AGPAT4: variants seen among roughly 807,000 people sequenced by gnomAD.
AGPAT4 encodes 1-acylglycerol-3-phosphate O-acyltransferase 4, also known as 1-acyl-sn-glycerol-3-phosphate acyltransferase delta.
AGPAT4 carries 15 observed loss-of-function variants against 48.0 expected under a neutral mutation model. That is an observed-to-expected ratio of 0.31 (90% confidence interval 0.21 to 0.48). The LOEUF (loss-of-function observed/expected upper bound fraction) is 0.48, where lower values mean the gene tolerates loss of function less well. Ranked by LOEUF, AGPAT4 falls within the 20% of genes least tolerant of loss-of-function variation. The probability of loss-of-function intolerance (pLI) is 0.99; values close to 1 mark genes in which losing one functional copy is unlikely to be tolerated. For synonymous variants in AGPAT4, 178 were observed against 198.7 expected (o/e 0.90, Z 0.88); for missense variants, 314 against 482.5 (o/e 0.65, Z 3.27).
rs946248432 is a variant in AGPAT4, at chr6:161,251,952, TATA to T, written c.-89-19653_-89-19651del. On this transcript the variant is annotated intron_variant, in intron 1 of 8. Coordinates refer to ENST00000320285, the MANE Select transcript of AGPAT4 (RefSeq NM_020133.3). The surrounding 1 kb of genome is among the most constrained non-coding windows in gnomAD (Gnocchi z 4.6). ...TTCTTAACCCATTTATGCTGGAGAG[TATA>T]ATTTTTTGAATTTTTGCATGAGTGA... 1.4e-5 allele frequency among the ~76,000 whole-genome samples: 2 copies of T among 144,654 alleles called. No homozygotes were observed. Among genetic ancestry groups the T allele is most frequent in the South Asian group, 4.3e-4 (2 of 4,610 alleles). 94.9% of individuals were successfully genotyped at this position (144,654 alleles called of 152,430 possible).
chr6:161,134,906 A>G lies in AGPAT4; in HGVS notation c.*1634T>C, dbSNP rs566549054. ...TGCCTGCAGGGCCGCCAGCGAGTTA[A>G]CTCAGGCCCTAGGCTCTGCAGTACG... On this transcript the variant is annotated 3_prime_UTR_variant, in exon 9 of 9. Coordinates refer to ENST00000320285, the MANE Select transcript of AGPAT4 (RefSeq NM_020133.3). The G allele has an allele frequency of 6.6e-6, 1 of 152,390 alleles. No homozygotes were observed. The highest frequency in any genetic ancestry group is 1.9e-4 in the East Asian group (1 of 5,174). 9.4% of individuals were successfully genotyped at this position (152,390 alleles called of 1,614,324 possible). A position where few individuals can be genotyped will look rare whatever the true frequency, so the allele number is the denominator to read the frequency against.
At chr6:161,269,272 C>T (rs1783356123) in intron 1 of AGPAT4, among the ~76,000 whole-genome samples, 1 of 152,170 alleles carries the variant, frequency 6.6e-6, no homozygotes, top group African/African-American at 2.4e-5. Flanking sequence ...AAATTCCACT[C>T]TTCCCATTTA....
rs547777784 is a variant in AGPAT4, at chr6:161,154,584, G to C, written c.349-274C>G. On this transcript the variant is annotated intron_variant, in intron 3 of 8. Transcript: ENST00000320285. This position sits in a 1 kb window ranked among gnomAD's most constrained non-coding sequence, Gnocchi z 7.8. Reference sequence around the variant, plus strand: ...CGGCAGGAGTCAAGAAGGCAGCAGCGAGCAGTCACAGGTATTCAGGGTCCT... The same window carrying C: ...CGGCAGGAGTCAAGAAGGCAGCAGCCAGCAGTCACAGGTATTCAGGGTCCT... Among the ~76,000 whole-genome samples the C allele has an allele frequency of 6.6e-6, 1 of 152,068 alleles. No homozygotes were observed. Among genetic ancestry groups the C allele is most frequent in the Non-Finnish European group, 1.5e-5 (1 of 68,008 alleles).
chr6:161,229,463 G>C lies in AGPAT4; in HGVS notation c.178+2573C>G, dbSNP rs770609413. On this transcript the variant is annotated intron_variant, in intron 2 of 8. Coordinates refer to ENST00000320285, the MANE Select transcript of AGPAT4 (RefSeq NM_020133.3). The surrounding 1 kb of genome is among the most constrained non-coding windows in gnomAD (Gnocchi z 6.0). ...TCTGGCTGATCAGTGGCCCAGCAAG[G>C]CTTCCTAAACACTCTTTTTACATGG... is the stretch of plus-strand genomic sequence containing the variant. Among the ~76,000 whole-genome samples the C allele has an allele frequency of 6.6e-6, 1 of 152,098 alleles. No homozygotes were observed. The highest frequency in any genetic ancestry group is 1.5e-5 in the Non-Finnish European group (1 of 68,024).
In AGPAT4 at chr6:161,161,281, G is replaced by A. The variant is rs879225388; in HGVS notation, c.348+4967C>T. 1 of 456,742 alleles carries A rather than the reference G, an allele frequency of 2.2e-6. No homozygotes were observed. The highest frequency in any genetic ancestry group is 1.5e-5 in the South Asian group (1 of 64,564). 28.3% of individuals were successfully genotyped at this position (456,742 alleles called of 1,614,324 possible). Reference sequence around the variant, plus strand: ...AGCATGCGCTCCCACCTCCAGGATGGTAGTCGGTATGAACCCGCGGTGCAG... The same window carrying A: ...AGCATGCGCTCCCACCTCCAGGATGATAGTCGGTATGAACCCGCGGTGCAG... On this transcript the variant is annotated intron_variant, in intron 3 of 8. Transcript: ENST00000320285. The surrounding 1 kb of genome is among the most constrained non-coding windows in gnomAD (Gnocchi z 4.6).
Position 161,148,302 on chromosome 6 carries a change from T to C in AGPAT4, c.767+885A>G, listed in dbSNP as rs1779492567. ...CAGTGATGATGACGATGCTGTCCTA[T>C]TTTCATGGGAAAGCCAGAGTCATTT... On this transcript the variant is annotated intron_variant, in intron 6 of 8. Transcript: ENST00000320285. The surrounding 1 kb of genome is among the most constrained non-coding windows in gnomAD (Gnocchi z 5.5). Among the ~76,000 whole-genome samples, 3 of 152,184 alleles carry C rather than the reference T, an allele frequency of 2.0e-5. No individual in the cohort carries two copies. In the South Asian group the frequency reaches 6.2e-4, roughly 32 times the overall value.
In AGPAT4 at chr6:161,141,240, G is replaced by A. The variant is rs908387495; in HGVS notation, c.844-1620C>T. Reference sequence around the variant, plus strand: ...TGCAGCCCATTAACAAGCCTGGTCCGAAGCGTCACTTGTCGCGTGACTCTG... The same window carrying A: ...TGCAGCCCATTAACAAGCCTGGTCCAAAGCGTCACTTGTCGCGTGACTCTG... On this transcript the variant is annotated intron_variant, in intron 7 of 8. Transcript: ENST00000320285. This position sits in a 1 kb window ranked among gnomAD's most constrained non-coding sequence, Gnocchi z 6.7. Among the ~76,000 whole-genome samples the A allele has an allele frequency of 3.9e-5, 6 of 152,026 alleles. No individual in the cohort carries two copies. Among genetic ancestry groups the A allele is most frequent in the East Asian group, 1.9e-4 (1 of 5,176 alleles).
chr6:161,151,298 C>T (rs117984472), intron 5 of AGPAT4, among the ~76,000 whole-genome samples: 71 of 152,338 alleles, frequency 4.7e-4, no homozygotes, highest in Non-Finnish European at 8.4e-4. Context: ...GAGGACATCC[C>T]ATGTGCACAG....
At chr6:161,194,443 T>C (rs1488724032) in intron 2 of AGPAT4, among the ~76,000 whole-genome samples, 1 of 136,884 alleles carries the variant, frequency 7.3e-6, no homozygotes, top group Non-Finnish European at 1.5e-5. Context: ...TGTGTGTGTG[T>C]TTGTGTGTGT....
At chr6:161,263,412 A>T (rs544428638) in intron 1 of AGPAT4, among the ~76,000 whole-genome samples, 1 of 152,244 alleles carries the variant, frequency 6.6e-6, no homozygotes, top group African/African-American at 2.4e-5. Flanking sequence ...AATTGCTTGA[A>T]TCCGGGAGGC....
In AGPAT4 at chr6:161,241,981, C is replaced by T. The variant is rs555840034; in HGVS notation, c.-89-9679G>A. Among the ~76,000 whole-genome samples, 27 of 152,306 alleles carry T rather than the reference C, an allele frequency of 1.8e-4. No individual in the cohort carries two copies. In the East Asian group the frequency reaches 5.0e-3, roughly 28 times the overall value. ...CTCCTGATCTCAAGTGATCCGCCTG[C>T]CTCAGCCTTCCAAAGTGCTGGGATT... is the stretch of plus-strand genomic sequence containing the variant. On this transcript the variant is annotated intron_variant, in intron 1 of 8. Transcript: ENST00000320285.
At position 161,153,283 on chromosome 6, in the gene AGPAT4, C is replaced by T. The variant is rs114419832; in HGVS notation, c.664+63G>A. On this transcript the variant is annotated intron_variant, in intron 5 of 8. Transcript: ENST00000320285. ...TGGCAGGAAGCAAGCTCTGCCCATCCGGAGCTGGGGCTTGTCTTCCTCGCT... is the reference window on the plus strand; with the variant it reads ...TGGCAGGAAGCAAGCTCTGCCCATCTGGAGCTGGGGCTTGTCTTCCTCGCT... 2,454 of 1,542,232 alleles carry T rather than the reference C, an allele frequency of 1.6e-3. 30 individuals carry two copies. In the African/African-American group the frequency reaches 0.027, roughly 17 times the overall value.
Position 161,204,139 on chromosome 6 carries a change from A to C in AGPAT4, c.178+27897T>G, listed in dbSNP as rs1345706738. Among the ~76,000 whole-genome samples, 1 of 148,608 alleles carries C rather than the reference A, an allele frequency of 6.7e-6. No homozygotes were observed. Among genetic ancestry groups the C allele is most frequent in the Admixed American group, 6.6e-5 (1 of 15,154 alleles). On this transcript the variant is annotated intron_variant, in intron 2 of 8. Coordinates refer to ENST00000320285, the MANE Select transcript of AGPAT4 (RefSeq NM_020133.3). The surrounding 1 kb of genome is among the most constrained non-coding windows in gnomAD (Gnocchi z 4.4). ...AACACATACTCAGGAATGTGTGCTT[A>C]AAAAAACTTAAATTTTTCTCAGTTG...
intron 2 of AGPAT4, among the ~76,000 whole-genome samples, chr6:161,205,476 G>C (rs1035119753): frequency 6.6e-6 from 1 of 152,142 alleles, no homozygotes; most frequent in Non-Finnish European, 1.5e-5. Flanking sequence ...TGAAAGAGCA[G>C]CTCTCCCCAG....
rs943781858 is a variant in AGPAT4 at position 161,221,497 on chromosome 6, G to A, written c.178+10539C>T. On this transcript the variant is annotated intron_variant, in intron 2 of 8. Transcript: ENST00000320285. The surrounding 1 kb of genome is among the most constrained non-coding windows in gnomAD (Gnocchi z 4.5). The stretch of plus-strand genomic sequence containing the variant: ...AAAGGAGAAAAAGGGAGAGGAGAGA[G>A]AAATAGATACCATATTAATGTGTCA... Among the ~76,000 whole-genome samples, 2 of 152,204 alleles carry A rather than the reference G, an allele frequency of 1.3e-5. No individual in the cohort carries two copies. Among genetic ancestry groups the A allele is most frequent in the Admixed American group, 1.3e-4 (2 of 15,282 alleles).
At position 161,165,092 on chromosome 6, in the gene AGPAT4, G is replaced by A. The variant is rs1269513178; in HGVS notation, c.348+1156C>T. Among the ~76,000 whole-genome samples the A allele has an allele frequency of 1.3e-5, 2 of 152,098 alleles. No individual in the cohort carries two copies. Among genetic ancestry groups the A allele is most frequent in the Admixed American group, 6.5e-5 (1 of 15,278 alleles). ...TTAGGACCATGACATTCTAAGGGGCGATCTCTCATCAGAGAGAATAAATCC... is the reference window on the plus strand; with the variant it reads ...TTAGGACCATGACATTCTAAGGGGCAATCTCTCATCAGAGAGAATAAATCC... On this transcript the variant is annotated intron_variant, in intron 3 of 8. Coordinates refer to ENST00000320285, the MANE Select transcript of AGPAT4 (RefSeq NM_020133.3). The surrounding 1 kb of genome is among the most constrained non-coding windows in gnomAD (Gnocchi z 5.5).
rs1781776405 is a variant in AGPAT4 at position 161,219,897 on chromosome 6, A to AGGCAGGC, written c.178+12132_178+12138dup. ...TAGGCAGGCAGGCAGGCAGGCAGGCAGGCAGGCAGGCAGGCAGGCGGCAGG... is the reference window on the plus strand; with the variant it reads ...TAGGCAGGCAGGCAGGCAGGCAGGCAGGCAGGCGGCAGGCAGGCAGGCAGGCGGCAGG... On this transcript the variant is annotated intron_variant, in intron 2 of 8. Coordinates refer to ENST00000320285, the MANE Select transcript of AGPAT4 (RefSeq NM_020133.3). This position sits in a 1 kb window ranked among gnomAD's most constrained non-coding sequence, Gnocchi z 4.9. 7.2e-6 allele frequency among the ~76,000 whole-genome samples: 1 copy of AGGCAGGC among 138,290 alleles called. No homozygotes were observed. The highest frequency in any genetic ancestry group is 1.5e-5 in the Non-Finnish European group (1 of 66,240). 90.7% of individuals were successfully genotyped at this position (138,290 alleles called of 152,430 possible). A position where few individuals can be genotyped will look rare whatever the true frequency, so the allele number is the denominator to read the frequency against.
rs772133669 is a variant in AGPAT4 at position 161,261,913 on chromosome 6, G to T, written c.-90+12025C>A. On this transcript the variant is annotated intron_variant, in intron 1 of 8. Transcript: ENST00000320285. This position sits in a 1 kb window ranked among gnomAD's most constrained non-coding sequence, Gnocchi z 5.3. The stretch of plus-strand genomic sequence containing the variant: ...GGCTCCTGGGCCAGAGACCCAGTTT[G>T]CCTGTATGAGCTGTGCAGCCCTGGG... Among the ~76,000 whole-genome samples, 9 of 152,162 alleles carry T rather than the reference G, an allele frequency of 5.9e-5. No individual in the cohort carries two copies. Among genetic ancestry groups the T allele is most frequent in the Non-Finnish European group, 1.0e-4 (7 of 68,036 alleles).
Position 161,231,894 on chromosome 6 carries a change from AGC to A in AGPAT4, c.178+140_178+141del. 1 of 782,840 alleles carries A rather than the reference AGC, an allele frequency of 1.3e-6. No individual in the cohort carries two copies. The highest frequency in any genetic ancestry group is 1.9e-6 in the Non-Finnish European group (1 of 518,132). The allele number at this position is 782,840 out of a possible 1,614,324, so 48.5% of individuals were successfully genotyped here. The stretch of plus-strand genomic sequence containing the variant: ...AATTTTGGGGGATTGAGAACAAAAT[AGC>A]CATTTCAAACCTAAAACAAAAACAA... On this transcript the variant is annotated intron_variant, in intron 2 of 8. Transcript: ENST00000320285. This position sits in a 1 kb window ranked among gnomAD's most constrained non-coding sequence, Gnocchi z 5.3.
Sources: allele counts gnomAD v4.1 joint callset (sites outside exome capture counted in the v4.1 genomes callset), GRCh38; gene constraint gnomAD v4.1.1; non-coding constraint Gnocchi (gnomAD v3.1); transcripts MANE v1.5; gene names NCBI Gene and HGNC (gene_info 2026-07-23, HGNC 2026-07-21).